The following CDC14A variants were observed in gnomAD, a reference collection of about 807,000 sequenced individuals.
CDC14A encodes dual specificity protein phosphatase CDC14A.
Under a neutral mutation model 74.4 loss-of-function variants are expected in CDC14A, and 53 were observed. The observed-to-expected ratio is 0.71, with a 90% CI of 0.57 to 0.89. The LOEUF is 0.89. Ranked by LOEUF, CDC14A falls within the 40% of genes least tolerant of loss-of-function variation. The pLI is 0.00. For missense variants in CDC14A, 646 were observed against 713.7 expected, an observed-to-expected ratio of 0.91 and a Z score of 1.08; for synonymous variants, 247 against 258.4, an observed-to-expected ratio of 0.96 and a Z score of 0.43.
At chr1:100,460,425 G>A (rs892595691) in intron 8 of CDC14A, among the ~76,000 whole-genome samples, 7 of 152,270 alleles carry the variant, frequency 4.6e-5, no homozygotes, top group South Asian at 2.1e-4. Flanking sequence ...CTAACACAAC[G>A]TGTGACAGGT....
chr1:100,428,607 C>T (rs749501756), intron 5 of CDC14A, among the ~76,000 whole-genome samples: 1 of 152,144 alleles, frequency 6.6e-6, no homozygotes, highest in Non-Finnish European at 1.5e-5. Context: ...TTAATCTCAG[C>T]TTGTCTAAAA....
intron 2 of CDC14A, among the ~76,000 whole-genome samples, chr1:100,357,428 GA>G (rs1279063109): frequency 6.6e-6 from 1 of 152,144 alleles, no homozygotes; most frequent in Non-Finnish European, 1.5e-5. Context: ...TAGAATGAGA[GA>G]GACTGCAAAG....
At chr1:100,457,586 G>C (rs1026705883) in intron 8 of CDC14A, among the ~76,000 whole-genome samples, 1 of 150,746 alleles carries the variant, frequency 6.6e-6, no homozygotes, top group Non-Finnish European at 1.5e-5. Context: ...AGCCTCCCAA[G>C]TAGCTGGGAC....
At chr1:100,367,886 G>T (rs1383016138) in intron 2 of CDC14A, among the ~76,000 whole-genome samples, 1 of 152,034 alleles carries the variant, frequency 6.6e-6, no homozygotes, top group Admixed American at 6.5e-5. Flanking sequence ...TGCTATCTTT[G>T]GATAGCAGCC....
chr1:100,428,378 CAG>C (rs1287199019), intron 5 of CDC14A, among the ~76,000 whole-genome samples: 1 of 152,064 alleles, frequency 6.6e-6, no homozygotes, highest in Admixed American at 6.6e-5. Context: ...AGGTGAAAAT[CAG>C]GGGAAAGGGG....
In CDC14A at chr1:100,427,296, G is replaced by C. The variant is rs972874564; in HGVS notation, c.389+2995G>C. Among the ~76,000 whole-genome samples the C allele has an allele frequency of 4.1e-4, 63 of 152,232 alleles. 1 individual carries two copies. Among genetic ancestry groups the C allele is most frequent in the East Asian group, 3.9e-4 (2 of 5,184 alleles). On this transcript the variant is annotated intron_variant, in intron 5 of 15. Coordinates refer to ENST00000336454, the MANE Select transcript of CDC14A (RefSeq NM_003672.4). Reference sequence around the variant, plus strand: ...TTATTTAAAATTTTTTAAAAATGAAGATGATTTTGAAGGCTTGTTGAAGGT... The same window carrying C: ...TTATTTAAAATTTTTTAAAAATGAACATGATTTTGAAGGCTTGTTGAAGGT...
At chr1:100,354,880 G>A (rs957252462) in intron 2 of CDC14A, among the ~76,000 whole-genome samples, 3 of 152,226 alleles carry the variant, frequency 2.0e-5, no homozygotes, top group African/African-American at 4.8e-5. Context: ...TCTTCGAAGA[G>A]TAAGTGTTCT....
In CDC14A at chr1:100,358,293, C is replaced by T. The variant is rs772990332; in HGVS notation, c.140+4441C>T. ...AATTGGGCCCCGTAATCCAAACAGG[C>T]GCTTACTTTTAATAACTTGGCTTAC... On this transcript the variant is annotated intron_variant, in intron 2 of 15. Transcript: ENST00000336454. Among the ~76,000 whole-genome samples, 6 of 152,286 alleles carry T rather than the reference C, an allele frequency of 3.9e-5. No individual in the cohort carries two copies. The East Asian group carries it at 5.8e-4, about 15-fold the overall frequency.
intron 8 of CDC14A, among the ~76,000 whole-genome samples, chr1:100,461,752 T>C (rs922574241): frequency 6.6e-6 from 1 of 152,150 alleles, no homozygotes; most frequent in Non-Finnish European, 1.5e-5. Flanking sequence ...TGGAGCATCT[T>C]CCTCCCTCAA....
chr1:100,382,857 TGG>T (rs1229415759), intron 3 of CDC14A, among the ~76,000 whole-genome samples: 1 of 152,228 alleles, frequency 6.6e-6, no homozygotes, highest in Admixed American at 6.5e-5. Flanking sequence ...ACCTGGCAGA[TGG>T]TGGGGCTTAG....
intron 15 of CDC14A, among the ~76,000 whole-genome samples, chr1:100,516,449 G>A (rs972830867): frequency 5.3e-5 from 8 of 152,156 alleles, no homozygotes; most frequent in Admixed American, 2.6e-4. Flanking sequence ...TAAGTTATAT[G>A]CAGTTTGAAG....
intron 2 of CDC14A, among the ~76,000 whole-genome samples, chr1:100,360,772 A>C (rs1209499815): frequency 1.3e-5 from 2 of 152,178 alleles, no homozygotes; most frequent in African/African-American, 2.4e-5. Context: ...CATAATGATA[A>C]ATTATTACTC....
Position 100,442,921 on chromosome 1 carries a change from A to T in CDC14A, c.457-13A>T, listed in dbSNP as rs1252519419. ...ATTTAGCATGGAAAAACTAATTCAA[A>T]TTCTGCTTTTAGGGATTACAACATG... On this transcript the variant is annotated splice_polypyrimidine_tract_variant and intron_variant, in intron 6 of 15. Coordinates refer to ENST00000336454, the MANE Select transcript of CDC14A (RefSeq NM_003672.4). 9 of 1,572,300 alleles carry T rather than the reference A, an allele frequency of 5.7e-6. No individual in the cohort carries two copies. In the South Asian group the frequency reaches 1.0e-4, roughly 18 times the overall value.
At chr1:100,390,534 T>C (rs1173044947) in intron 3 of CDC14A, among the ~76,000 whole-genome samples, 198 bp from the exon 4 acceptor site, 1 of 152,212 alleles carries the variant, frequency 6.6e-6, no homozygotes, top group African/African-American at 2.4e-5. Flanking sequence ...ATATTGTTGA[T>C]TCTTACATTA....
intron 3 of CDC14A, among the ~76,000 whole-genome samples, chr1:100,385,257 T>TA (rs1656679208): frequency 6.6e-6 from 1 of 152,158 alleles, no homozygotes; most frequent in South Asian, 2.1e-4. Flanking sequence ...AGCCATATCT[T>TA]AGAGTAGTGG....
chr1:100,428,577 A>G (rs527303184), intron 5 of CDC14A, among the ~76,000 whole-genome samples: 4 of 152,294 alleles, frequency 2.6e-5, no homozygotes, highest in East Asian at 3.9e-4. Context: ...AGTGTATACT[A>G]TTGAGCAAAC....
chr1:100,414,068 A>G (rs551850962), intron 4 of CDC14A, among the ~76,000 whole-genome samples: 42 of 152,222 alleles, frequency 2.8e-4, no homozygotes, highest in Non-Finnish European at 5.3e-4. Flanking sequence ...TATTTTAGAT[A>G]TATGATTTTA....
chr1:100,360,469 G>A (rs752246682), intron 2 of CDC14A, among the ~76,000 whole-genome samples: 26 of 151,494 alleles, frequency 1.7e-4, no homozygotes, highest in Admixed American at 3.3e-4. Flanking sequence ...TCAGCCTCCC[G>A]AATAGCTGGG....
intron 8 of CDC14A, among the ~76,000 whole-genome samples, chr1:100,461,678 G>C (rs940262773): frequency 2.3e-5 from 3 of 133,210 alleles, no homozygotes; most frequent in African/African-American, 1.3e-4. Flanking sequence ...CCAGCTGACT[G>C]TGTAGCTCCC....
Sources: gnomAD v4.1 joint callset for allele counts (sites outside exome capture counted in the v4.1 genomes callset) on GRCh38, gnomAD v4.1.1 for gene constraint, MANE v1.5 for transcripts, NCBI Gene and HGNC (gene_info 2026-07-23, HGNC 2026-07-21) for gene names.